PTPRM: variants seen among roughly 807,000 people sequenced by gnomAD.
PTPRM encodes protein tyrosine phosphatase receptor type M.
Under a neutral mutation model 186.7 loss-of-function variants are expected in PTPRM, and 47 were observed. That is an observed-to-expected ratio of 0.25 (90% CI 0.20 to 0.32). The LOEUF (loss-of-function observed/expected upper bound fraction) is 0.32, where lower values mean the gene tolerates loss of function less well. Ranked by LOEUF, PTPRM falls within the 10% of genes least tolerant of loss-of-function variation. The probability of loss-of-function intolerance (pLI) is 1.00; values close to 1 mark genes in which losing one functional copy is unlikely to be tolerated. For missense variants in PTPRM, 1,494 were observed against 1,865.0 expected (o/e 0.80, Z 3.66); for synonymous variants, 668 against 674.9 (o/e 0.99, Z 0.16).
intron 1 of PTPRM, among the ~76,000 whole-genome samples, chr18:7,595,760 A>G (rs1018046941): frequency 2.0e-5 from 3 of 152,156 alleles, no homozygotes; most frequent in African/African-American, 7.2e-5. Flanking sequence ...TTTCTTGTGT[A>G]ATTTTTGCAT....
chr18:8,028,494 T>G (rs2085722362), intron 7 of PTPRM, among the ~76,000 whole-genome samples: 1 of 152,228 alleles, frequency 6.6e-6, no homozygotes, highest in Non-Finnish European at 1.5e-5. Context: ...TATTTAGAGA[T>G]AGCACCTTCA....
chr18:8,034,423 A>C (rs2086195889), intron 7 of PTPRM, among the ~76,000 whole-genome samples: 1 of 152,174 alleles, frequency 6.6e-6, no homozygotes, highest in Admixed American at 6.5e-5. Flanking sequence ...GGTGTGATCC[A>C]TCTGTGGGCA....
At chr18:7,718,436 TA>T (rs1314435174) in intron 1 of PTPRM, among the ~76,000 whole-genome samples, 1 of 152,190 alleles carries the variant, frequency 6.6e-6, no homozygotes. Flanking sequence ...GACTTAAATC[TA>T]AGACCTGAAA....
intron 2 of PTPRM, among the ~76,000 whole-genome samples, chr18:7,842,984 T>A (rs1256527092): frequency 7.5e-6 from 1 of 134,144 alleles, no homozygotes; most frequent in African/African-American, 3.1e-5. Flanking sequence ...AGAGAGATTA[T>A]ATGAGCCAGG....
chr18:7,692,998 A>G (rs2039766735), intron 1 of PTPRM, among the ~76,000 whole-genome samples: 1 of 152,124 alleles, frequency 6.6e-6, no homozygotes, highest in Non-Finnish European at 1.5e-5. Flanking sequence ...TTTGGGAGTA[A>G]TTTTTCAGGG....
intron 1 of PTPRM, among the ~76,000 whole-genome samples, chr18:7,660,335 C>CA (rs5822977): frequency 0.3 from 43,398 of 146,932 alleles, 8,625 homozygotes; most frequent in African/African-American, 0.57. Flanking sequence ...GACAATTTCT[C>CA]AAAAAAAAAA....
chr18:8,155,052 T>C (rs1193569913), intron 14 of PTPRM: 1 of 152,204 alleles, frequency 6.6e-6, no homozygotes, highest in East Asian at 1.9e-4. Flanking sequence ...ACAAAATAAA[T>C]GTTTTATACA....
At chr18:8,266,072 C>T (rs2094697182) in intron 19 of PTPRM, among the ~76,000 whole-genome samples, 1 of 152,128 alleles carries the variant, frequency 6.6e-6, no homozygotes, top group South Asian at 2.1e-4. Flanking sequence ...ATGTGCCCTT[C>T]CTATCTTTTC....
chr18:8,193,076 T>G (rs1415997200), intron 14 of PTPRM, among the ~76,000 whole-genome samples: 1 of 152,210 alleles, frequency 6.6e-6, no homozygotes, highest in Non-Finnish European at 1.5e-5. Flanking sequence ...TGTGATAACA[T>G]TATTGTGGTT....
chr18:8,012,863 T>C (rs1186313095), intron 7 of PTPRM, among the ~76,000 whole-genome samples: 1 of 152,234 alleles, frequency 6.6e-6, no homozygotes, highest in Non-Finnish European at 1.5e-5. Flanking sequence ...AAGTGTATTT[T>C]TTTTTCATCC....
intron 2 of PTPRM, among the ~76,000 whole-genome samples, chr18:7,871,472 T>G (rs1247320327): frequency 6.6e-6 from 1 of 152,232 alleles, no homozygotes; most frequent in East Asian, 1.9e-4. Context: ...ATTACTTAAT[T>G]ACACAGTTGC....
chr18:8,265,596 A>G (rs967647143), intron 19 of PTPRM, among the ~76,000 whole-genome samples: 1 of 152,230 alleles, frequency 6.6e-6, no homozygotes, highest in Non-Finnish European at 1.5e-5. Flanking sequence ...TATTAACCTC[A>G]TGGCAGAGCC....
chr18:7,925,706 C>T (rs557968302), intron 4 of PTPRM, among the ~76,000 whole-genome samples: 13 of 152,240 alleles, frequency 8.5e-5, no homozygotes, highest in African/African-American at 2.6e-4. Context: ...CTGCTGTGCC[C>T]ACCCTTCCCG....
At chr18:8,056,869 G>T (rs972415292) in intron 7 of PTPRM, among the ~76,000 whole-genome samples, 1 of 151,852 alleles carries the variant, frequency 6.6e-6, no homozygotes, top group Non-Finnish European at 1.5e-5. Context: ...CTTTTAACAT[G>T]CACTAAGGGA....
chr18:8,387,093 G>A lies in PTPRM; in HGVS notation c.4066G>A (p.Val1356Met). Residue 1356 changes from valine (V) to methionine (M), a missense_variant, in exon 31 of 33, where the codon GTG becomes ATG. Around this residue, in one of 3 missense-constraint regions of PTPRM, gnomAD observed 1,107 missense variants for 1,350.2 expected, o/e 0.82. Coordinates refer to ENST00000580170, the MANE Select transcript of PTPRM (RefSeq NM_001105244.2). ...GTAGCCCCAAGATGGATATCGGATG[G>A]TGCAGCAATTCCAGTTCCTGGGCTG... ...AARPQDGYRM[V>M]QQFQFLGWPM... 1 of 1,610,044 alleles carries A rather than the reference G, an allele frequency of 6.2e-7. No individual in the cohort carries two copies. Among genetic ancestry groups the A allele is most frequent in the South Asian group, 1.1e-5 (1 of 91,004 alleles).
chr18:7,709,445 A>G (rs1412186909), intron 1 of PTPRM, among the ~76,000 whole-genome samples: 3 of 152,164 alleles, frequency 2.0e-5, no homozygotes, highest in Non-Finnish European at 4.4e-5. Flanking sequence ...AAATGTCTAC[A>G]TCAAAAAGTC....
intron 7 of PTPRM, among the ~76,000 whole-genome samples, chr18:7,996,566 A>G (rs888260434): frequency 3.9e-5 from 6 of 152,170 alleles, no homozygotes; most frequent in African/African-American, 7.2e-5. Flanking sequence ...AAAAAAAATA[A>G]AAGTCTCCAA....
At chr18:7,817,752 G>T (rs1317234742) in intron 2 of PTPRM, among the ~76,000 whole-genome samples, 1 of 152,146 alleles carries the variant, frequency 6.6e-6, no homozygotes, top group African/African-American at 2.4e-5. Context: ...TTGTAAAACT[G>T]GAGTTGCGTT....
At chr18:7,625,947 G>C (rs1239980292) in intron 1 of PTPRM, among the ~76,000 whole-genome samples, 1 of 152,160 alleles carries the variant, frequency 6.6e-6, no homozygotes, top group African/African-American at 2.4e-5. Context: ...CATGAGCCTG[G>C]GTTTGAAACC....
Sources: gnomAD v4.1 joint callset for allele counts (sites outside exome capture counted in the v4.1 genomes callset) on GRCh38, gnomAD v4.1.1 for gene constraint, gnomAD v4.1.1 regional missense constraint, MANE v1.5 for transcripts, NCBI Gene and HGNC (gene_info 2026-07-23, HGNC 2026-07-21) for gene names.